MGAT4B: variants seen among roughly 807,000 people sequenced by gnomAD.
The protein encoded by MGAT4B is N-acetylglucosaminyltransferase IVb.
A neutral mutation model predicts 73.9 loss-of-function variants in MGAT4B; 38 were observed. The observed-to-expected ratio is 0.51, with a 90% CI of 0.40 to 0.67. The LOEUF is 0.67. Among genes scored for constraint, MGAT4B ranks in the 30% least tolerant of loss-of-function variants. MGAT4B has a pLI of 0.00. For synonymous variants in MGAT4B, 373 were observed against 313.5 expected (o/e 1.19, Z -2.01); for missense variants, 686 against 735.2 (o/e 0.93, Z 0.77).
intron 1 of MGAT4B, chr5:179,803,200 G>A: frequency 4.1e-6 from 4 of 985,376 alleles, no homozygotes; most frequent in Non-Finnish European, 4.8e-6. Flanking sequence ...CTTCCCTGAG[G>A]CATCTCTTAC....
At chr5:179,803,614 T>A in intron 1 of MGAT4B, 1 of 151,348 alleles carries the variant, frequency 6.6e-6, no homozygotes, top group Non-Finnish European at 1.5e-5. Context: ...CCTGGCTTTC[T>A]CTGTCCCACA....
In MGAT4B at chr5:179,801,755, C is replaced by T. The variant is rs200583072; in HGVS notation, c.283+29G>A. The T allele has an allele frequency of 1.9e-6, 3 of 1,567,112 alleles. No individual in the cohort carries two copies. The highest frequency in any genetic ancestry group is 1.7e-4 in the Middle Eastern group (1 of 5,928). ...GGAACCTACAACCAGCCCGCCCCCGCCTTTTCCCCCTCCCGCCCCAGACCT... is the reference window on the plus strand; with the variant it reads ...GGAACCTACAACCAGCCCGCCCCCGTCTTTTCCCCCTCCCGCCCCAGACCT... On this transcript the variant is annotated intron_variant, in intron 2 of 14. Transcript: ENST00000292591. This position sits in a 1 kb window ranked among gnomAD's most constrained non-coding sequence, Gnocchi z 4.8.
At position 179,797,925 on chromosome 5, in the gene MGAT4B, C is replaced by A. The variant is rs967642144; in HGVS notation, c.*120G>T. ...GGCGGACCCCAGGCCGGCCCAAGCC[C>A]GACGCCAGGCAGAACCCTTTGGGCG... On this transcript the variant is annotated 3_prime_UTR_variant, in exon 15 of 15. Coordinates refer to ENST00000292591, the MANE Select transcript of MGAT4B (RefSeq NM_014275.5). The A allele has an allele frequency of 7.1e-7, 1 of 1,413,714 alleles. No homozygotes were observed. The highest frequency in any genetic ancestry group is 9.7e-7 in the Non-Finnish European group (1 of 1,030,940). 87.6% of individuals were successfully genotyped at this position (1,413,714 alleles called of 1,614,324 possible).
Position 179,801,633 on chromosome 5 carries a change from G to C in MGAT4B, c.345C>G (p.Val115=), listed in dbSNP as rs1562616131. The change falls in exon 3 of 15, where the codon GTC becomes GTG. Residue 115 remains valine (V), a synonymous_variant. Transcript: ENST00000292591. The surrounding 1 kb of genome is among the most constrained non-coding windows in gnomAD (Gnocchi z 4.8). ...CCAGCAGGTGTGGCAGGTGATGGAAGACGGTGGGCAGGTGCAGCACGTGCC... is the reference window on the plus strand; with the variant it reads ...CCAGCAGGTGTGGCAGGTGATGGAACACGGTGGGCAGGTGCAGCACGTGCC... ...SHRHVLHLPT[V]FHHLPHLLAK... The C allele has an allele frequency of 6.2e-7, 1 of 1,606,266 alleles. No individual in the cohort carries two copies. Among genetic ancestry groups the C allele is most frequent in the Non-Finnish European group, 8.5e-7 (1 of 1,177,986 alleles).
chr5:179,802,993 CCA>C (rs1043665944), intron 1 of MGAT4B: 28 of 985,356 alleles, frequency 2.8e-5, no homozygotes, highest in African/African-American at 1.4e-4. Flanking sequence ...TTCACAGACC[CCA>C]GAGTTGCGTG....
chr5:179,799,925 G>A (rs765193900), intron 8 of MGAT4B, 29 bp downstream of exon 8: 2 of 1,578,638 alleles, frequency 1.3e-6, no homozygotes, highest in East Asian at 2.2e-5. Context: ...GGGACTGAAA[G>A]GCACCGTCAG....
In MGAT4B at chr5:179,800,518, G is replaced by A. The variant is rs1418803981; in HGVS notation, c.685C>T (p.Arg229Ter). 9 of 1,611,794 alleles carry A rather than the reference G, an allele frequency of 5.6e-6. No individual in the cohort carries two copies. Among genetic ancestry groups the A allele is most frequent in the South Asian group, 1.1e-5 (1 of 90,788 alleles). The change falls in exon 6 of 15, where the codon CGA becomes TGA. Residue 229 changes from arginine (R) to a stop codon, truncating the protein, a stop_gained. Coordinates refer to ENST00000292591, the MANE Select transcript of MGAT4B (RefSeq NM_014275.5). LOFTEE classifies it high-confidence loss of function. Reference protein sequence around the residue: ...PHFYPDFSRLRESFGDPKERV... With the variant: ...PHFYPDFSRL ...TCCTTGGGGTCCCCAAAGGACTCTC[G>A]GAGGCGGGAGAAGTCAGGGTAGAAG... is the stretch of plus-strand genomic sequence containing the variant.
intron 6 of MGAT4B, 47 bp downstream of exon 6, chr5:179,800,437 C>T (rs1344719118): frequency 3.4e-6 from 5 of 1,467,012 alleles, no homozygotes; most frequent in Non-Finnish European, 4.7e-6. Flanking sequence ...GATGGGTTCT[C>T]AGCACAGGCA....
chr5:179,802,900 G>A (rs890252464), intron 1 of MGAT4B: 8 of 985,330 alleles, frequency 8.1e-6, no homozygotes, highest in African/African-American at 1.7e-5. Context: ...AAGGCCTTCT[G>A]TTTCCAAGTC....
In MGAT4B at chr5:179,803,298, G is replaced by T. The variant is rs944609788; in HGVS notation, c.98-1329C>A. ...GGAGCCTCTGGACAGCCCCTGGCGGGAGGGAAAGGGGAGTCAGATTACTGG... is the reference window on the plus strand; with the variant it reads ...GGAGCCTCTGGACAGCCCCTGGCGGTAGGGAAAGGGGAGTCAGATTACTGG... On this transcript the variant is annotated intron_variant, in intron 1 of 14. Coordinates refer to ENST00000292591, the MANE Select transcript of MGAT4B (RefSeq NM_014275.5). 1.3e-5 allele frequency: 13 copies of T among 983,490 alleles called. No individual in the cohort carries two copies. The South Asian group carries it at 1.4e-4, about 11-fold the overall frequency. 60.9% of individuals were successfully genotyped at this position (983,490 alleles called of 1,614,324 possible).
chr5:179,801,093 C>T lies in MGAT4B; in HGVS notation c.559-140G>A. 13 of 1,212,450 alleles carry T rather than the reference C, an allele frequency of 1.1e-5. No homozygotes were observed. Among genetic ancestry groups the T allele is most frequent in the Non-Finnish European group, 1.4e-5 (12 of 867,862 alleles). 75.1% of individuals were successfully genotyped at this position (1,212,450 alleles called of 1,614,324 possible). Reference sequence around the variant, plus strand: ...CTGTGCTGAGGGCGGAGTAAGGGGGCCCCCAGAGACGGCCCTTTCCCTTTG... The same window carrying T: ...CTGTGCTGAGGGCGGAGTAAGGGGGTCCCCAGAGACGGCCCTTTCCCTTTG... On this transcript the variant is annotated intron_variant, in intron 4 of 14. Transcript: ENST00000292591. The surrounding 1 kb of genome is among the most constrained non-coding windows in gnomAD (Gnocchi z 4.8).
chr5:179,804,925 C>T (rs1205070274), intron 1 of MGAT4B: 1 of 152,242 alleles, frequency 6.6e-6, no homozygotes, highest in African/African-American at 2.4e-5. Flanking sequence ...AGGCCTATGT[C>T]ACCCCATACT....
At chr5:179,800,989 T>TG in intron 4 of MGAT4B, 36 bp from the exon 5 acceptor site, 1 of 1,612,062 alleles carries the variant, frequency 6.2e-7, no homozygotes, top group Non-Finnish European at 8.5e-7. Context: ...TTAGCCCTGC[T>TG]GCTGCCCCAA....
At chr5:179,800,347 T>TC in intron 6 of MGAT4B, 88 bp from the exon 7 acceptor site, 2 of 1,508,812 alleles carry the variant, frequency 1.3e-6, no homozygotes, top group Non-Finnish European at 1.8e-6. Flanking sequence ...GCAGCTTCTG[T>TC]CCCCCCACCC....
rs1581984201 is a variant in MGAT4B, at chr5:179,806,302, A to G, written c.97+185T>C. Reference sequence around the variant, plus strand: ...CACCCACGGGCGCGGCCCGGGCCCGAGGAGAACGCCGCGGCTCCAGCAGCA... The same window carrying G: ...CACCCACGGGCGCGGCCCGGGCCCGGGGAGAACGCCGCGGCTCCAGCAGCA... On this transcript the variant is annotated intron_variant, in intron 1 of 14. Coordinates refer to ENST00000292591, the MANE Select transcript of MGAT4B (RefSeq NM_014275.5). The surrounding 1 kb of genome is among the most constrained non-coding windows in gnomAD (Gnocchi z 4.6). 1 of 176,986 alleles carries G rather than the reference A, an allele frequency of 5.7e-6. No homozygotes were observed. Among genetic ancestry groups the G allele is most frequent in the Non-Finnish European group, 1.0e-5 (1 of 98,832 alleles). 11.0% of individuals were successfully genotyped at this position (176,986 alleles called of 1,614,324 possible).
chr5:179,799,991 G>A lies in MGAT4B; in HGVS notation c.873C>T (p.Asp291=), dbSNP rs776335630. The part of the protein sequence containing the change: ...KNFALQQPSE[D]WMILEFSQLG... ...GCTGGGAGAACTCCAGGATCATCCA[G>A]TCCTCTGAAGGCTGCTGCAGTGCAA... The change falls in exon 8 of 15, where the codon GAC becomes GAT. Residue 291 remains aspartate (D), a synonymous_variant. Transcript: ENST00000292591. The A allele has an allele frequency of 4.3e-6, 7 of 1,613,912 alleles. No homozygotes were observed. Among genetic ancestry groups the A allele is most frequent in the Admixed American group, 1.7e-5 (1 of 60,010 alleles).
Position 179,801,881 on chromosome 5 carries a change from C to G in MGAT4B, c.186G>C (p.Lys62Asn). Residue 62 changes from lysine to asparagine, a missense_variant, in exon 2 of 15, where the codon AAG becomes AAC. Around this residue, in one of 2 missense-constraint regions of MGAT4B, gnomAD observed 237 missense variants for 198.5 expected, o/e 1.19. Coordinates refer to ENST00000292591, the MANE Select transcript of MGAT4B (RefSeq NM_014275.5). This position sits in a 1 kb window ranked among gnomAD's most constrained non-coding sequence, Gnocchi z 4.8. ...TCTCGTCCAGCACCAGGTTGAGCTC[C>G]TTGGAGCGCTTGAGGCTCTCCTGCT... ...AAEQESLKRS[K>N]ELNLVLDEIK... The G allele has an allele frequency of 6.2e-7, 1 of 1,612,926 alleles. No homozygotes were observed. Among genetic ancestry groups the G allele is most frequent in the Non-Finnish European group, 8.5e-7 (1 of 1,179,586 alleles).
In MGAT4B at chr5:179,798,336, A is replaced by G; in HGVS notation, c.1510+11T>C. 6.2e-7 allele frequency: 1 copy of G among 1,612,494 alleles called. No homozygotes were observed. Reference sequence around the variant, plus strand: ...AACCCCAGCCCACGCTCTCCCCCAAACCCTACCCACCGATCTGGAGGTAGC... The same window carrying G: ...AACCCCAGCCCACGCTCTCCCCCAAGCCCTACCCACCGATCTGGAGGTAGC... On this transcript the variant is annotated intron_variant, in intron 13 of 14. Transcript: ENST00000292591.
chr5:179,801,592 A>G lies in MGAT4B; in HGVS notation c.386T>C (p.Leu129Pro). The G allele has an allele frequency of 6.2e-7, 1 of 1,607,800 alleles. No individual in the cohort carries two copies. The highest frequency in any genetic ancestry group is 8.5e-7 in the Non-Finnish European group (1 of 1,178,158). The change falls in exon 3 of 15, where the codon CTG (leucine) becomes CCG (proline). Residue 129 changes from leucine (L) to proline (P), a missense_variant. Leu to Pro is a moderately conservative substitution (Grantham distance 98). Around this residue, in one of 2 missense-constraint regions of MGAT4B, gnomAD observed 237 missense variants for 198.5 expected, o/e 1.19. Transcript: ENST00000292591. This position sits in a 1 kb window ranked among gnomAD's most constrained non-coding sequence, Gnocchi z 4.8. ...CTGGCCCACGCGCACCGCGGGCTGCAGACTGCTCTCCTTGGCCAGCAGGTG... is the reference window on the plus strand; with the variant it reads ...CTGGCCCACGCGCACCGCGGGCTGCGGACTGCTCTCCTTGGCCAGCAGGTG... Reference protein sequence around the residue: ...LPHLLAKESSLQPAVRVGQGR... With the variant: ...LPHLLAKESSPQPAVRVGQGR...
Sources: allele counts gnomAD v4.1 joint callset, GRCh38; gene constraint gnomAD v4.1.1; regional missense constraint gnomAD v4.1.1; non-coding constraint Gnocchi (gnomAD v3.1); transcripts MANE v1.5; gene names NCBI Gene and HGNC (gene_info 2026-07-23, HGNC 2026-07-21).